The following ZFHX3 variants were observed in gnomAD, a reference collection of about 807,000 sequenced individuals.
ZFHX3 encodes the protein zinc finger homeobox 3, also known as zinc finger homeobox protein 3.
A neutral mutation model predicts 279.1 loss-of-function variants in ZFHX3; 42 were observed. That is an observed-to-expected ratio of 0.15 (90% CI 0.12 to 0.19). The LOEUF is 0.19. ZFHX3 is among the 10% of genes least tolerant of loss of function. The pLI, the probability that ZFHX3 is intolerant of heterozygous loss-of-function variation, is 1.00. For synonymous variants in ZFHX3, 2,293 were observed against 1,957.8 expected (o/e 1.17, Z -4.52); for missense variants, 4,981 against 4,754.0 (o/e 1.05, Z -1.40).
chr16:73,078,631 G>A (rs1020507282), intron 8 of ZFHX3, among the ~76,000 whole-genome samples: 2 of 151,526 alleles, frequency 1.3e-5, no homozygotes, highest in East Asian at 1.9e-4. Flanking sequence ...ATTATAAACC[G>A]CGCCTGGCCA....
At chr16:73,300,346 G>A (rs2015024328) in intron 4 of ZFHX3, among the ~76,000 whole-genome samples, 1 of 151,820 alleles carries the variant, frequency 6.6e-6, no homozygotes, top group African/African-American at 2.4e-5. Flanking sequence ...ATAAGGATGA[G>A]GTTTGATGTG....
At chr16:73,053,916 T>C (rs532397619) in intron 1 of ZFHX3, among the ~76,000 whole-genome samples, 3 of 152,254 alleles carry the variant, frequency 2.0e-5, no homozygotes, top group South Asian at 4.1e-4. Flanking sequence ...TCCAAACCTT[T>C]TGTGTACACA....
intron 4 of ZFHX3, among the ~76,000 whole-genome samples, chr16:73,298,183 C>G (rs2014964717): frequency 6.6e-6 from 1 of 151,158 alleles, no homozygotes; most frequent in Non-Finnish European, 1.5e-5. Flanking sequence ...AGAGCAAGAC[C>G]CTGTCTCTAA....
At chr16:72,843,602 A>G (rs1322641107) in intron 4 of ZFHX3, among the ~76,000 whole-genome samples, 1 of 148,536 alleles carries the variant, frequency 6.7e-6, no homozygotes, top group Non-Finnish European at 1.5e-5. Context: ...TCAGCTGTGT[A>G]GGGAAGAAGT....
intron 1 of ZFHX3, among the ~76,000 whole-genome samples, chr16:73,032,375 A>G (rs1405801489): frequency 1.3e-5 from 2 of 152,206 alleles, no homozygotes; most frequent in Non-Finnish European, 2.9e-5. Flanking sequence ...TAGTGACCAC[A>G]GTCATACAAG....
At chr16:72,984,009 C>T (rs1257792840) in intron 1 of ZFHX3, among the ~76,000 whole-genome samples, 1 of 152,200 alleles carries the variant, frequency 6.6e-6, no homozygotes, top group Non-Finnish European at 1.5e-5. Context: ...TGCATGAACC[C>T]TTGACCAGCT....
At chr16:73,796,702 T>G (rs1001189564) in intron 1 of ZFHX3, 2 of 152,228 alleles carry the variant, frequency 1.3e-5, no homozygotes, top group African/African-American at 4.8e-5. Context: ...CCTCTGCTGA[T>G]GGGTTCCTTA....
Position 72,829,874 on chromosome 16 carries a change from A to G in ZFHX3, c.3449-15T>C. 1 of 1,613,882 alleles carries G rather than the reference A, an allele frequency of 6.2e-7. No homozygotes were observed. Among genetic ancestry groups the G allele is most frequent in the Non-Finnish European group, 8.5e-7 (1 of 1,179,740 alleles). On this transcript the variant is annotated splice_polypyrimidine_tract_variant and intron_variant, in intron 4 of 9. Transcript: ENST00000268489. ...AATGGCTTCTTCTGAAACAGAAGAA[A>G]AACATGTCAAGGGTTAAAAATAAAA... is the stretch of plus-strand genomic sequence containing the variant.
At chr16:73,543,074 CACGTG>C (rs1567514636) in intron 2 of ZFHX3, among the ~76,000 whole-genome samples, 2 of 152,180 alleles carry the variant, frequency 1.3e-5, no homozygotes, top group Non-Finnish European at 2.9e-5. Context: ...CCTGAATCAC[CACGTG>C]AGGAGGAGGC....
intron 3 of ZFHX3, among the ~76,000 whole-genome samples, chr16:73,444,296 G>A (rs998465717): frequency 6.6e-6 from 1 of 152,200 alleles, no homozygotes; most frequent in Non-Finnish European, 1.5e-5. Context: ...AGGTACACTT[G>A]CCTTTTAAAA....
At chr16:73,215,182 T>TGAC (rs1221306169) in intron 5 of ZFHX3, among the ~76,000 whole-genome samples, 1 of 152,242 alleles carries the variant, frequency 6.6e-6, no homozygotes, top group Non-Finnish European at 1.5e-5. Flanking sequence ...CTACTGGGTA[T>TGAC]GACAGCTCTA....
intron 3 of ZFHX3, among the ~76,000 whole-genome samples, chr16:72,901,798 C>T (rs1055409423): frequency 1.3e-5 from 2 of 152,156 alleles, no homozygotes; most frequent in South Asian, 2.1e-4. Context: ...GGCCACGTGG[C>T]GAGAGGGCCA....
chr16:73,852,347 T>C (rs768363587), intron 1 of ZFHX3, among the ~76,000 whole-genome samples: 1 of 152,204 alleles, frequency 6.6e-6, no homozygotes, highest in Non-Finnish European at 1.5e-5. Flanking sequence ...ACTTCTTATA[T>C]TTTCCAATGT....
At chr16:73,675,673 T>C (rs1242433641) in intron 2 of ZFHX3, among the ~76,000 whole-genome samples, 3 of 152,028 alleles carry the variant, frequency 2.0e-5, no homozygotes, top group Admixed American at 6.6e-5. Flanking sequence ...AAAATACTTA[T>C]CAACTGAAAA....
rs893967471 is a variant in ZFHX3 at position 73,418,378 on chromosome 16, A to G, written c.-1291+37625T>C. 5.3e-5 allele frequency among the ~76,000 whole-genome samples: 8 copies of G among 152,248 alleles called. No individual in the cohort carries two copies. In the East Asian group the frequency reaches 9.6e-4, roughly 18 times the overall value. ...GCTACCTGGCCCGATCACCTGGAAT[A>G]GGGAGTCCCCCTGTCACGGGAAAGG... is the stretch of plus-strand genomic sequence containing the variant. On this transcript the variant is annotated intron_variant, in intron 3 of 17. Transcript: ENST00000641206.
At chr16:72,816,066 G>A (rs1244780979) in intron 5 of ZFHX3, among the ~76,000 whole-genome samples, 1 of 152,162 alleles carries the variant, frequency 6.6e-6, no homozygotes, top group African/African-American at 2.4e-5. Flanking sequence ...TTACAGCTAT[G>A]TAAAAAGTAG....
At chr16:72,916,278 A>G (rs1390260929) in intron 3 of ZFHX3, among the ~76,000 whole-genome samples, 1 of 152,100 alleles carries the variant, frequency 6.6e-6, no homozygotes, top group Non-Finnish European at 1.5e-5. Flanking sequence ...ATGACATTTG[A>G]TTTTGTATCT....
chr16:73,834,926 A>C (rs1338607811), intron 1 of ZFHX3, among the ~76,000 whole-genome samples: 3 of 151,998 alleles, frequency 2.0e-5, no homozygotes. Flanking sequence ...GGGGTCTGCC[A>C]CATATACTCC....
In ZFHX3 at chr16:73,848,225, A is replaced by G. The variant is rs187876085; in HGVS notation, c.-1608+43426T>C. Among the ~76,000 whole-genome samples, 86 of 152,116 alleles carry G rather than the reference A, an allele frequency of 5.7e-4. 1 individual carries two copies. The highest frequency in any genetic ancestry group is 2.1e-3 in the African/African-American group (86 of 41,478). ...TCCTACTCTCAGAACTGAGACAAGG[A>G]CCAGTAGACACTAGACTCCCTTAGG... On this transcript the variant is annotated intron_variant, in intron 1 of 17. Transcript: ENST00000641206.
Sources: allele counts gnomAD v4.1 joint callset (sites outside exome capture counted in the v4.1 genomes callset), GRCh38; gene constraint gnomAD v4.1.1; transcripts MANE v1.5; gene names NCBI Gene and HGNC (gene_info 2026-07-23, HGNC 2026-07-21).